KYNU: variants seen among roughly 807,000 people sequenced by gnomAD.
KYNU encodes L-kynurenine hydrolase.
KYNU carries 54 observed loss-of-function variants against 59.2 expected under a neutral mutation model. The observed-to-expected ratio is 0.91, with a 90% confidence interval of 0.73 to 1.14. The LOEUF (loss-of-function observed/expected upper bound fraction) is 1.14. Ranked by LOEUF, KYNU falls within the 50% of genes most tolerant of loss-of-function variation. The probability of loss-of-function intolerance (pLI) is 0.00; values close to 1 mark genes in which losing one functional copy is unlikely to be tolerated. For missense variants in KYNU, 567 were observed against 554.4 expected (o/e 1.02, Z -0.23); for synonymous variants, 177 against 192.0 (o/e 0.92, Z 0.65).
intron 10 of KYNU, among the ~76,000 whole-genome samples, chr2:143,024,227 T>C (rs187279508): frequency 6.6e-6 from 1 of 151,974 alleles, no homozygotes; most frequent in Admixed American, 6.6e-5. Context: ...TTATGGATAG[T>C]GAGTAAAACT....
intron 2 of KYNU, among the ~76,000 whole-genome samples, chr2:142,900,469 A>T (rs118109276): frequency 0.018 from 2,666 of 152,286 alleles, 96 homozygotes; most frequent in African/African-American, 0.061. Flanking sequence ...CCTGATCATT[A>T]TCCCTCCCCC....
In KYNU at chr2:142,911,319, G is replaced by A. The variant is rs117549067; in HGVS notation, c.170-7290G>A. Among the ~76,000 whole-genome samples the A allele has an allele frequency of 6.6e-5, 10 of 151,830 alleles. No individual in the cohort carries two copies. In the East Asian group the frequency reaches 7.7e-4, roughly 12 times the overall value. ...TTTCTTAGTGTTTTACTGTTTTTTC[G>A]CTGTTGCAAATGGGATTGTATTATT... On this transcript the variant is annotated intron_variant, in intron 2 of 13. Coordinates refer to ENST00000264170, the MANE Select transcript of KYNU (RefSeq NM_003937.3).
chr2:143,035,435 T>A (rs75980500), intron 12 of KYNU, among the ~76,000 whole-genome samples: 6,097 of 152,374 alleles, frequency 0.04, 147 homozygotes, highest in Non-Finnish European at 0.051. Flanking sequence ...TCTTTCCTAC[T>A]GTAAATTGCA....
intron 2 of KYNU, among the ~76,000 whole-genome samples, chr2:142,914,701 C>T (rs1216758484): frequency 6.6e-6 from 1 of 152,108 alleles, no homozygotes; most frequent in Non-Finnish European, 1.5e-5. Flanking sequence ...GATCAGTTCT[C>T]TTTGATGTTA....
At chr2:142,882,006 G>A (rs1014130463) in intron 1 of KYNU, among the ~76,000 whole-genome samples, 3 of 145,442 alleles carry the variant, frequency 2.1e-5, no homozygotes, top group Admixed American at 7.2e-5. Flanking sequence ...CCCCTGCCTC[G>A]GCCTCCCAGT....
intron 1 of KYNU, among the ~76,000 whole-genome samples, chr2:142,879,184 T>C (rs1315205021): frequency 2.0e-5 from 3 of 152,174 alleles, no homozygotes; most frequent in Non-Finnish European, 4.4e-5. Context: ...TAAGCAGCAA[T>C]TAGTATGAGT....
At chr2:142,931,407 G>C (rs1409304908) in intron 4 of KYNU, among the ~76,000 whole-genome samples, 1 of 152,196 alleles carries the variant, frequency 6.6e-6, no homozygotes, top group African/African-American at 2.4e-5. Context: ...TGTAGTAGGA[G>C]CATCATCTGT....
At position 142,885,342 on chromosome 2, in the gene KYNU, C is replaced by T. The variant is rs1171159676; in HGVS notation, c.-19-7C>T. 1.2e-6 allele frequency: 2 copies of T among 1,610,670 alleles called. No individual in the cohort carries two copies. Among genetic ancestry groups the T allele is most frequent in the African/African-American group, 2.7e-5 (2 of 74,944 alleles). On this transcript the variant is annotated splice_polypyrimidine_tract_variant and splice_region_variant and intron_variant, in intron 1 of 13. Transcript: ENST00000264170. ...TGGCTAGATTATGTTTTATTATTCTCTTTCAGTTTTAGAGAACAACTTGTA... is the reference window on the plus strand; with the variant it reads ...TGGCTAGATTATGTTTTATTATTCTTTTTCAGTTTTAGAGAACAACTTGTA...
intron 2 of KYNU, among the ~76,000 whole-genome samples, chr2:142,896,741 C>T (rs1019077542): frequency 9.9e-5 from 15 of 152,070 alleles, no homozygotes; most frequent in Non-Finnish European, 2.1e-4. Context: ...CCCACTTTGA[C>T]CTCCCAAGGT....
intron 10 of KYNU, among the ~76,000 whole-genome samples, chr2:143,009,372 T>A (rs1222558686): frequency 1.2e-5 from 1 of 86,688 alleles, no homozygotes; most frequent in Non-Finnish European, 2.1e-5. Context: ...AGAAGTTGAA[T>A]CTCTGAATAG....
At chr2:142,993,549 T>G (rs1685460723) in intron 10 of KYNU, among the ~76,000 whole-genome samples, 1 of 152,016 alleles carries the variant, frequency 6.6e-6, no homozygotes. Flanking sequence ...ACATACAACC[T>G]AAACCTATTT....
At chr2:142,893,500 T>C (rs1681775356) in intron 2 of KYNU, among the ~76,000 whole-genome samples, 1 of 152,222 alleles carries the variant, frequency 6.6e-6, no homozygotes, top group African/African-American at 2.4e-5. Flanking sequence ...CATTTCTAGA[T>C]GTCATTGAAG....
At chr2:142,908,096 G>A (rs1342992449) in intron 2 of KYNU, among the ~76,000 whole-genome samples, 3 of 152,162 alleles carry the variant, frequency 2.0e-5, no homozygotes, top group African/African-American at 7.2e-5. Context: ...TTGTATATGT[G>A]TGTGTTTGGC....
intron 11 of KYNU, among the ~76,000 whole-genome samples, chr2:143,032,289 C>CAAAAAAAAAA (rs1038644031): frequency 1.3e-5 from 1 of 74,984 alleles, no homozygotes; most frequent in Non-Finnish European, 3.5e-5. Context: ...AAAACAAAAA[C>CAAAAAAAAAA]AAAAAAAAAA....
At chr2:142,921,404 T>C (rs990833691) in intron 3 of KYNU, among the ~76,000 whole-genome samples, 1 of 152,158 alleles carries the variant, frequency 6.6e-6, no homozygotes, top group Non-Finnish European at 1.5e-5. Context: ...GGCTGCTCTT[T>C]GTTCAGATGT....
intron 10 of KYNU, among the ~76,000 whole-genome samples, chr2:143,027,455 T>C (rs557955445): frequency 6.6e-6 from 1 of 152,276 alleles, no homozygotes; most frequent in African/African-American, 2.4e-5. Flanking sequence ...ATTGAGGTGT[T>C]TTTGTTTGTT....
intron 10 of KYNU, among the ~76,000 whole-genome samples, chr2:143,006,215 G>A (rs1050987005): frequency 1.8e-4 from 27 of 152,066 alleles, no homozygotes; most frequent in Admixed American, 4.6e-4. Flanking sequence ...TGCGCGAGCC[G>A]AAACAGGGCG....
intron 8 of KYNU, chr2:142,971,452 T>C (rs1240960674): frequency 6.6e-6 from 1 of 152,212 alleles, no homozygotes; most frequent in Admixed American, 6.5e-5. Flanking sequence ...TTGACTTTTA[T>C]TGGCAACATT....
chr2:142,932,666 C>T (rs568281845), intron 4 of KYNU, among the ~76,000 whole-genome samples: 6 of 149,264 alleles, frequency 4.0e-5, no homozygotes, highest in African/African-American at 7.4e-5. Flanking sequence ...ATTTGTTGTC[C>T]GGCTGTCAGT....
Sources: gnomAD v4.1 joint callset for allele counts (sites outside exome capture counted in the v4.1 genomes callset) on GRCh38, gnomAD v4.1.1 for gene constraint, MANE v1.5 for transcripts, NCBI Gene and HGNC (gene_info 2026-07-23, HGNC 2026-07-21) for gene names.